The following VAV1 variants were observed in gnomAD, a reference collection of about 807,000 sequenced individuals.
VAV1 encodes the protein proto-oncogene vav.
VAV1 carries 33 observed loss-of-function variants against 128.1 expected under a neutral mutation model. The observed-to-expected ratio is 0.26, with a 90% CI of 0.20 to 0.34. The LOEUF (loss-of-function observed/expected upper bound fraction) is 0.34. VAV1 is among the 10% of genes least tolerant of loss of function. The probability of loss-of-function intolerance (pLI) is 1.00; values close to 1 mark genes in which losing one functional copy is unlikely to be tolerated. For synonymous variants in VAV1, 394 were observed against 409.8 expected (o/e 0.96, Z 0.47); for missense variants, 715 against 1,093.7 (o/e 0.65, Z 4.88).
At chr19:6,825,916 C>T (rs181915349) in intron 8 of VAV1, among the ~76,000 whole-genome samples, 122 of 152,074 alleles carry the variant, frequency 8.0e-4, no homozygotes, top group African/African-American at 1.1e-3. Flanking sequence ...ATTAGCTGGG[C>T]GTGGTGGCAT....
At chr19:6,775,516 G>A (rs1320592541) in intron 1 of VAV1, among the ~76,000 whole-genome samples, 1 of 152,166 alleles carries the variant, frequency 6.6e-6, no homozygotes, top group Non-Finnish European at 1.5e-5. Context: ...ATTTGTGCTG[G>A]GGTTTTGAAG....
At chr19:6,852,273 C>G (rs1371792160) in intron 24 of VAV1, among the ~76,000 whole-genome samples, 1 of 152,140 alleles carries the variant, frequency 6.6e-6, no homozygotes, top group Non-Finnish European at 1.5e-5. Context: ...CCTTGACTTC[C>G]CAAGGTGCTG....
rs568793978 is a variant in VAV1 at position 6,793,724 on chromosome 19, G to A, written c.204+20713G>A. The stretch of plus-strand genomic sequence containing the variant: ...AATGTAGAACTCAGGAGACATTCCC[G>A]GGAGTGGGGTTAATCAGAAGTCAAC... On this transcript the variant is annotated intron_variant, in intron 1 of 26. Transcript: ENST00000602142. Among the ~76,000 whole-genome samples, 20 of 152,204 alleles carry A rather than the reference G, an allele frequency of 1.3e-4. No individual in the cohort carries two copies. In the South Asian group the frequency reaches 3.3e-3, roughly 25 times the overall value.
chr19:6,783,355 C>T (rs1374988397), intron 1 of VAV1, among the ~76,000 whole-genome samples: 2 of 151,976 alleles, frequency 1.3e-5, no homozygotes, highest in African/African-American at 4.8e-5. Flanking sequence ...GGCCGAGGCT[C>T]CATCATCTCA....
Position 6,826,795 on chromosome 19 carries a change from G to A in VAV1, c.927+84G>A, listed in dbSNP as rs1287918069. 4 of 1,114,468 alleles carry A rather than the reference G, an allele frequency of 3.6e-6. No homozygotes were observed. The highest frequency in any genetic ancestry group is 5.2e-6 in the Non-Finnish European group (4 of 765,526). The allele number at this position is 1,114,468 out of a possible 1,614,324, so 69.0% of individuals were successfully genotyped here. A position where few individuals can be genotyped will look rare whatever the true frequency, so the allele number is the denominator to read the frequency against. ...GCAGGGAGGACACTGAGTTGCAGAT[G>A]GTCCACTTTCTGCTGCAGCCCAGCC... is the stretch of plus-strand genomic sequence containing the variant. On this transcript the variant is annotated intron_variant, in intron 9 of 26. Coordinates refer to ENST00000602142, the MANE Select transcript of VAV1 (RefSeq NM_005428.4). The surrounding 1 kb of genome is among the most constrained non-coding windows in gnomAD (Gnocchi z 4.1).
intron 21 of VAV1, among the ~76,000 whole-genome samples, chr19:6,837,520 C>T (rs1415645594): frequency 1.1e-4 from 16 of 152,044 alleles, no homozygotes; most frequent in Admixed American, 1.0e-3. Context: ...CTCCCTCTCT[C>T]CCCAACCTCA....
chr19:6,857,093 T>G lies in VAV1; in HGVS notation c.2524T>G (p.Ser842Ala). Residue 842 changes from serine to alanine, a missense_variant, in exon 27 of 27, where the codon TCT (serine) becomes GCT (alanine). By Grantham distance (99) the Ser-to-Ala change is moderately conservative (BLOSUM62 1). Around this residue, in one of 3 missense-constraint regions of VAV1, gnomAD observed 407 missense variants for 580.6 expected, o/e 0.70. Transcript: ENST00000602142. ...FPANYVEEDY[S>A]EYC ...TGCCAACTACGTGGAGGAAGATTATTCTGAATACTGCTGAGCCCTGGTGCC... is the reference window on the plus strand; with the variant it reads ...TGCCAACTACGTGGAGGAAGATTATGCTGAATACTGCTGAGCCCTGGTGCC... 1.2e-6 allele frequency: 2 copies of G among 1,614,036 alleles called. No homozygotes were observed. The highest frequency in any genetic ancestry group is 8.5e-7 in the Non-Finnish European group (1 of 1,179,986).
rs1970795251 is a variant in VAV1, at chr19:6,782,903, C to T, written c.204+9892C>T. Among the ~76,000 whole-genome samples, 3 of 151,092 alleles carry T rather than the reference C, an allele frequency of 2.0e-5. No individual in the cohort carries two copies. In the South Asian group the frequency reaches 6.3e-4, roughly 32 times the overall value. Reference sequence around the variant, plus strand: ...GTCTCGGAAGAAAAAAAAAAAAGGCCAGGTGCAGTGGCTCACGCCTGTAAT... The same window carrying T: ...GTCTCGGAAGAAAAAAAAAAAAGGCTAGGTGCAGTGGCTCACGCCTGTAAT... On this transcript the variant is annotated intron_variant, in intron 1 of 26. Coordinates refer to ENST00000602142, the MANE Select transcript of VAV1 (RefSeq NM_005428.4).
At chr19:6,850,855 A>G (rs758091019) in intron 24 of VAV1, 98 bp downstream of exon 24, 308 of 1,207,818 alleles carry the variant, frequency 2.6e-4, no homozygotes, top group Non-Finnish European at 3.5e-4. Context: ...ATTCAGGGTG[A>G]CCCCCCTCCA....
intron 1 of VAV1, among the ~76,000 whole-genome samples, chr19:6,810,848 A>G (rs57618923): frequency 0.078 from 11,925 of 152,146 alleles, 1,276 homozygotes; most frequent in African/African-American, 0.24. Flanking sequence ...TGAACTGGCA[A>G]TGATGTCAAT....
At chr19:6,835,218 CACA>C (rs1568311454) in intron 19 of VAV1, among the ~76,000 whole-genome samples, 3 of 21,898 alleles carry the variant, frequency 1.4e-4, no homozygotes, top group Non-Finnish European at 1.3e-3. Context: ...TATACATACA[CACA>C]CACACACACA....
chr19:6,776,867 C>T (rs62126660), intron 1 of VAV1, among the ~76,000 whole-genome samples: 13,106 of 152,176 alleles, frequency 0.086, 633 homozygotes, highest in African/African-American at 0.12. Context: ...AAGCAATTCT[C>T]CTGCCTCAGC....
chr19:6,796,253 G>T (rs960553533), intron 1 of VAV1, among the ~76,000 whole-genome samples: 2 of 152,128 alleles, frequency 1.3e-5, no homozygotes, highest in Non-Finnish European at 2.9e-5. Context: ...GTGTGTACTC[G>T]AGAGAGAGGT....
intron 1 of VAV1, among the ~76,000 whole-genome samples, chr19:6,776,500 T>C (rs1355627674): frequency 9.5e-3 from 302 of 31,802 alleles, no homozygotes; most frequent in Admixed American, 0.013. Context: ...ATCCATCCAC[T>C]CATCTATCCA....
chr19:6,789,572 GCTTT>G (rs1837001209), intron 1 of VAV1, among the ~76,000 whole-genome samples: 1 of 145,680 alleles, frequency 6.9e-6, no homozygotes, highest in South Asian at 2.1e-4. Flanking sequence ...TTTCTGTTCT[GCTTT>G]CTTTTCTTTT....
intron 1 of VAV1, among the ~76,000 whole-genome samples, chr19:6,805,409 A>T (rs1971371041): frequency 6.6e-6 from 1 of 151,972 alleles, no homozygotes; most frequent in Admixed American, 6.6e-5. Flanking sequence ...TGGGCCACAG[A>T]GCAAGACTCC....
intron 1 of VAV1, among the ~76,000 whole-genome samples, chr19:6,806,074 A>C (rs1313296592): frequency 6.6e-6 from 1 of 151,956 alleles, no homozygotes; most frequent in Non-Finnish European, 1.5e-5. Flanking sequence ...GCAGCCTGCC[A>C]CCTGTTTTTG....
At chr19:6,853,133 G>C in intron 25 of VAV1, 54 bp downstream of exon 25, 1 of 1,545,526 alleles carries the variant, frequency 6.5e-7, no homozygotes, top group South Asian at 1.1e-5. Flanking sequence ...CATTGTGGAG[G>C]GAAACTTTGG....
intron 7 of VAV1, 39 bp from the exon 8 acceptor site, chr19:6,825,264 T>C (rs1487160746): frequency 1.3e-6 from 2 of 1,592,780 alleles, no homozygotes; most frequent in Non-Finnish European, 1.7e-6. Flanking sequence ...CCCTGAGCCC[T>C]GGGCTCTGGT....
Sources: gnomAD v4.1 joint callset for allele counts (sites outside exome capture counted in the v4.1 genomes callset) on GRCh38, gnomAD v4.1.1 for gene constraint, gnomAD v4.1.1 regional missense constraint, Gnocchi (gnomAD v3.1) non-coding constraint, MANE v1.5 for transcripts, NCBI Gene and HGNC (gene_info 2026-07-23, HGNC 2026-07-21) for gene names.